Variants in DCDC2C observed in about 807,000 individuals in gnomAD.
DCDC2C encodes doublecortin domain containing 2C.
DCDC2C carries 44 observed loss-of-function variants against 45.0 expected under a neutral mutation model. The observed-to-expected ratio is 0.98, with a 90% CI of 0.77 to 1.26. The LOEUF (loss-of-function observed/expected upper bound fraction) is 1.26. Among genes scored for constraint, DCDC2C ranks in the 50% most tolerant of loss-of-function variants. The pLI, the probability that DCDC2C is intolerant of heterozygous loss-of-function variation, is 0.00. For missense variants in DCDC2C, 447 were observed against 468.9 expected, an observed-to-expected ratio of 0.95 and a Z score of 0.43; for synonymous variants, 187 against 178.8, an observed-to-expected ratio of 1.05 and a Z score of -0.37.
In DCDC2C at chr2:3,708,848, C is replaced by T. The variant is rs959223947; in HGVS notation, c.339+248C>T. On this transcript the variant is annotated intron_variant, in intron 2 of 10. Coordinates refer to ENST00000399143, the MANE Select transcript of DCDC2C (RefSeq NM_001287444.2). ...GGAGATAGTCATCTCTGAGGCACAC[C>T]GTGCAATTAATTCAAGTGTTCATTT... is the stretch of plus-strand genomic sequence containing the variant. 2.6e-5 allele frequency among the ~76,000 whole-genome samples: 4 copies of T among 152,258 alleles called. No individual in the cohort carries two copies. The South Asian group carries it at 6.2e-4, about 24-fold the overall frequency.
At chr2:3,789,406 A>G (rs560483306) in intron 10 of DCDC2C, among the ~76,000 whole-genome samples, 7 of 152,208 alleles carry the variant, frequency 4.6e-5, no homozygotes, top group African/African-American at 1.4e-4. Flanking sequence ...TACTGTATTT[A>G]TTTATATTTA....
At chr2:3,846,860 C>T (rs1027480765) in intron 10 of DCDC2C, among the ~76,000 whole-genome samples, 8 of 152,176 alleles carry the variant, frequency 5.3e-5, no homozygotes, top group African/African-American at 1.2e-4. Flanking sequence ...GAATGTGAAG[C>T]GTTGTTTTAG....
chr2:3,808,050 C>A (rs556496593), intron 10 of DCDC2C, among the ~76,000 whole-genome samples: 2 of 152,116 alleles, frequency 1.3e-5, no homozygotes, highest in Non-Finnish European at 2.9e-5. Flanking sequence ...AGAGTGGGAT[C>A]GCTGAGTCAT....
chr2:3,756,082 G>T (rs1295713530), intron 6 of DCDC2C, among the ~76,000 whole-genome samples: 1 of 152,062 alleles, frequency 6.6e-6, no homozygotes, highest in East Asian at 1.9e-4. Flanking sequence ...GCATATGTGT[G>T]TGTGTGTGTG....
intron 3 of DCDC2C, among the ~76,000 whole-genome samples, chr2:3,739,327 T>G (rs1339361273): frequency 6.6e-6 from 1 of 152,186 alleles, no homozygotes; most frequent in African/African-American, 2.4e-5. Flanking sequence ...CGCCACCCAA[T>G]GGACCTGCGT....
intron 10 of DCDC2C, among the ~76,000 whole-genome samples, chr2:3,809,055 C>T (rs1433203935): frequency 6.6e-6 from 1 of 152,094 alleles, no homozygotes; most frequent in Non-Finnish European, 1.5e-5. Context: ...ACCAGCTAAC[C>T]ATATTTGTGT....
At chr2:3,722,489 T>C (rs1464333137) in intron 2 of DCDC2C, among the ~76,000 whole-genome samples, 2 of 152,216 alleles carry the variant, frequency 1.3e-5, no homozygotes, top group Non-Finnish European at 2.9e-5. Flanking sequence ...CTGTAGTTGC[T>C]CCTTGGGGGA....
At chr2:3,732,790 G>A (rs905924940) in intron 3 of DCDC2C, among the ~76,000 whole-genome samples, 1 of 152,124 alleles carries the variant, frequency 6.6e-6, no homozygotes, top group African/African-American at 2.4e-5. Context: ...TTCTGAGGAG[G>A]ATGGGGTGAG....
chr2:3,793,514 G>A (rs1670878440), intron 10 of DCDC2C, among the ~76,000 whole-genome samples: 1 of 152,248 alleles, frequency 6.6e-6, no homozygotes, highest in South Asian at 2.1e-4. Flanking sequence ...AATGGACTGA[G>A]TCTGTGGGAT....
intron 10 of DCDC2C, among the ~76,000 whole-genome samples, chr2:3,828,432 G>A (rs1049848599): frequency 6.6e-6 from 1 of 152,226 alleles, no homozygotes; most frequent in African/African-American, 2.4e-5. Flanking sequence ...GGAGGTGACA[G>A]TGAGTTATTT....
chr2:3,801,073 A>G (rs1671100966), intron 10 of DCDC2C, among the ~76,000 whole-genome samples: 1 of 152,204 alleles, frequency 6.6e-6, no homozygotes, highest in African/African-American at 2.4e-5. Flanking sequence ...AGGAATCCAC[A>G]ACCACCTTTT....
At chr2:3,790,648 T>C (rs1289957248) in intron 10 of DCDC2C, among the ~76,000 whole-genome samples, 1 of 152,192 alleles carries the variant, frequency 6.6e-6, no homozygotes, top group African/African-American at 2.4e-5. Flanking sequence ...TTTTTTCTCT[T>C]TATTATGTTG....
intron 9 of DCDC2C, among the ~76,000 whole-genome samples, chr2:3,782,263 A>G (rs1417298600): frequency 1.3e-5 from 2 of 152,198 alleles, no homozygotes; most frequent in Non-Finnish European, 1.5e-5. Flanking sequence ...CATTCATTTT[A>G]TAATTATGTA....
chr2:3,839,198 A>G (rs1368224689), intron 10 of DCDC2C, among the ~76,000 whole-genome samples: 1 of 152,190 alleles, frequency 6.6e-6, no homozygotes, highest in African/African-American at 2.4e-5. Context: ...GATTTATTTA[A>G]AAACGTTCTA....
chr2:3,779,011 A>T, intron 9 of DCDC2C, 127 bp downstream of exon 9: 1 of 878,828 alleles, frequency 1.1e-6, no homozygotes, highest in South Asian at 1.8e-5. Context: ...GCCAGCGCGG[A>T]ATCGGAAGCG....
intron 10 of DCDC2C, among the ~76,000 whole-genome samples, chr2:3,830,629 G>A (rs371511413): frequency 9.2e-5 from 14 of 152,278 alleles, no homozygotes; most frequent in East Asian, 5.8e-4. Flanking sequence ...GCTGCACCCC[G>A]TAGTCGCGAC....
chr2:3,808,939 A>G (rs1000955519), intron 10 of DCDC2C, among the ~76,000 whole-genome samples: 2 of 152,134 alleles, frequency 1.3e-5, no homozygotes, highest in African/African-American at 4.8e-5. Flanking sequence ...GCAGTGTAGG[A>G]ATGAGGATTT....
At chr2:3,771,847 A>T (rs907704599) in intron 8 of DCDC2C, among the ~76,000 whole-genome samples, 1 of 152,240 alleles carries the variant, frequency 6.6e-6, no homozygotes, top group Admixed American at 6.5e-5. Context: ...GGTGACTGGC[A>T]TACCCATGGA....
Position 3,767,844 on chromosome 2 carries a change from A to C in DCDC2C, c.817A>C (p.Lys273Gln). Residue 273 changes from lysine to glutamine, a missense_variant, in exon 7 of 11, where the codon AAA (lysine) becomes CAA (glutamine). Transcript: ENST00000399143. ...TTATTATGCCAAAGAAGAAAAGAAG[A>C]AAACATTGGCAGAACCTTTAGTCCA... ...SVYYAKEEKK[K>Q]TLAEPLVQRG... 1 of 1,543,606 alleles carries C rather than the reference A, an allele frequency of 6.5e-7. No individual in the cohort carries two copies. Among genetic ancestry groups the C allele is most frequent in the Non-Finnish European group, 8.7e-7 (1 of 1,144,966 alleles).
Sources: allele counts gnomAD v4.1 joint callset (sites outside exome capture counted in the v4.1 genomes callset), GRCh38; gene constraint gnomAD v4.1.1; transcripts MANE v1.5; gene names NCBI Gene and HGNC (gene_info 2026-07-23, HGNC 2026-07-21).